Variants in TENM4 observed in about 807,000 individuals in gnomAD.
TENM4 encodes the protein teneurin transmembrane protein 4.
A neutral mutation model predicts 243.3 loss-of-function variants in TENM4; 82 were observed. That is an observed-to-expected ratio of 0.34 (90% confidence interval 0.28 to 0.40). The LOEUF is 0.40. Among genes scored for constraint, TENM4 ranks in the 10% least tolerant of loss-of-function variants. The pLI is 1.00. For synonymous variants in TENM4, 1,412 were observed against 1,456.3 expected (o/e 0.97, Z 0.69); for missense variants, 3,138 against 3,673.3 (o/e 0.85, Z 3.77).
chr11:79,376,709 C>T (rs1857899299), intron 1 of TENM4, among the ~76,000 whole-genome samples: 1 of 152,174 alleles, frequency 6.6e-6, no homozygotes. Flanking sequence ...GTATGTCCCT[C>T]CCCCAGGACA....
At chr11:78,728,908 A>G (rs1222503117) in intron 22 of TENM4, among the ~76,000 whole-genome samples, 2 of 152,186 alleles carry the variant, frequency 1.3e-5, no homozygotes, top group African/African-American at 2.4e-5. Context: ...CAGCAATAAC[A>G]AAAACAAAGA....
At chr11:78,838,212 T>C (rs1007459838) in intron 12 of TENM4, among the ~76,000 whole-genome samples, 1 of 152,206 alleles carries the variant, frequency 6.6e-6, no homozygotes, top group Non-Finnish European at 1.5e-5. Flanking sequence ...GTACTATACA[T>C]TTTTTAAAGC....
At chr11:78,766,917 T>C (rs950575532) in intron 18 of TENM4, among the ~76,000 whole-genome samples, 20 of 152,276 alleles carry the variant, frequency 1.3e-4, no homozygotes, top group African/African-American at 4.8e-4. Flanking sequence ...TTGGCCAGAC[T>C]GGTCTCAAAC....
At chr11:79,012,143 C>T (rs566430105) in intron 6 of TENM4, among the ~76,000 whole-genome samples, 25 of 152,226 alleles carry the variant, frequency 1.6e-4, no homozygotes, top group Non-Finnish European at 2.5e-4. Flanking sequence ...TCCTGGGGGA[C>T]GCAAAGTTGA....
chr11:79,410,157 C>T (rs188954700), intron 1 of TENM4, among the ~76,000 whole-genome samples: 13 of 152,290 alleles, frequency 8.5e-5, no homozygotes, highest in African/African-American at 3.1e-4. Context: ...GTTGGACAAG[C>T]TTGCTCTATT....
At chr11:79,055,513 AT>A (rs1389909193) in intron 6 of TENM4, among the ~76,000 whole-genome samples, 9 of 152,192 alleles carry the variant, frequency 5.9e-5, no homozygotes, top group African/African-American at 2.2e-4. Flanking sequence ...AAGTGCTGGG[AT>A]TATGGGCGTG....
chr11:79,140,642 C>T (rs1862269059), intron 4 of TENM4, among the ~76,000 whole-genome samples: 2 of 152,222 alleles, frequency 1.3e-5, no homozygotes, highest in African/African-American at 4.8e-5. Flanking sequence ...GTTTGACCAC[C>T]ACAGAAGAAG....
intron 28 of TENM4, among the ~76,000 whole-genome samples, chr11:78,699,942 C>T (rs987678535): frequency 6.6e-6 from 1 of 152,148 alleles, no homozygotes; most frequent in African/African-American, 2.4e-5. Context: ...AATTATTTAG[C>T]GTATTTCCAT....
In TENM4 at chr11:79,163,466, A is replaced by G. The variant is rs141450433; in HGVS notation, c.-162-14660T>C. On this transcript the variant is annotated intron_variant, in intron 3 of 33. Transcript: ENST00000278550. ...TCTTGGTTAGATGAATAAGTTTTTT[A>G]ACGGAGATTTTGGTGCACCCATCAC... is the stretch of plus-strand genomic sequence containing the variant. Among the ~76,000 whole-genome samples, 328 of 151,966 alleles carry G rather than the reference A, an allele frequency of 2.2e-3. 2 individuals are homozygous for G. Among genetic ancestry groups the G allele is most frequent in the African/African-American group, 7.3e-3 (302 of 41,438 alleles).
intron 3 of TENM4, among the ~76,000 whole-genome samples, chr11:79,204,896 C>T (rs1863818242): frequency 6.6e-6 from 1 of 152,164 alleles, no homozygotes; most frequent in Non-Finnish European, 1.5e-5. Context: ...ACGGGTTATA[C>T]ACAGTGGTAA....
intron 2 of TENM4, among the ~76,000 whole-genome samples, chr11:79,250,512 C>T (rs894709237): frequency 4.6e-5 from 7 of 152,232 alleles, no homozygotes; most frequent in African/African-American, 1.7e-4. Flanking sequence ...CATTCTCAAT[C>T]ACTGAAGGCC....
chr11:79,243,300 T>G (rs1250548359), intron 2 of TENM4, among the ~76,000 whole-genome samples: 1 of 152,150 alleles, frequency 6.6e-6, no homozygotes, highest in African/African-American at 2.4e-5. Flanking sequence ...GGCACCACGG[T>G]GTGCATGGGC....
At chr11:78,795,340 G>T (rs937338027) in intron 15 of TENM4, among the ~76,000 whole-genome samples, 1 of 152,174 alleles carries the variant, frequency 6.6e-6, no homozygotes, top group African/African-American at 2.4e-5. Context: ...TGTATTGCCA[G>T]ATTCCAGTGG....
intron 1 of TENM4, among the ~76,000 whole-genome samples, chr11:79,418,788 G>T (rs1436715746): frequency 1.3e-5 from 2 of 152,134 alleles, no homozygotes; most frequent in African/African-American, 4.8e-5. Context: ...ACTCCATTAC[G>T]TGGCTGTGTC....
Position 78,852,904 on chromosome 11 carries a change from C to T in TENM4, c.1681+1200G>A, listed in dbSNP as rs541302548. Among the ~76,000 whole-genome samples the T allele has an allele frequency of 3.4e-5, 5 of 147,286 alleles. No homozygotes were observed. In the South Asian group the frequency reaches 1.1e-3, roughly 32 times the overall value. On this transcript the variant is annotated intron_variant, in intron 12 of 33. Transcript: ENST00000278550. ...AGCTGGGACCGCAGGCATGCACCATCGCACCTGGATACTTTTAATATTTTT... is the reference window on the plus strand; with the variant it reads ...AGCTGGGACCGCAGGCATGCACCATTGCACCTGGATACTTTTAATATTTTT...
In TENM4 at chr11:78,750,737, T is replaced by G. The variant is rs543454047; in HGVS notation, c.2756+6068A>C. ...TCTGTGCCAATTCCTTTGGGTTCAA[T>G]GACAAACAAGGCATGGGACCCACAA... On this transcript the variant is annotated intron_variant, in intron 19 of 33. Transcript: ENST00000278550. Among the ~76,000 whole-genome samples, 5 of 152,326 alleles carry G rather than the reference T, an allele frequency of 3.3e-5. No individual in the cohort carries two copies. In the South Asian group the frequency reaches 1.0e-3, roughly 32 times the overall value.
chr11:79,114,094 C>A (rs1216717706), intron 4 of TENM4, among the ~76,000 whole-genome samples: 3 of 152,192 alleles, frequency 2.0e-5, no homozygotes, highest in African/African-American at 7.2e-5. Flanking sequence ...CTGCCTCTAT[C>A]TCAACGCCTT....
chr11:78,693,963 C>T (rs952059973), intron 28 of TENM4, among the ~76,000 whole-genome samples: 1 of 152,042 alleles, frequency 6.6e-6, no homozygotes, highest in Non-Finnish European at 1.5e-5. Context: ...TGCCGTGAGC[C>T]GAGATCGCAC....
Position 78,918,111 on chromosome 11 carries a change from C to T in TENM4, c.494-14588G>A, listed in dbSNP as rs542969726. On this transcript the variant is annotated intron_variant, in intron 6 of 33. Coordinates refer to ENST00000278550, the MANE Select transcript of TENM4 (RefSeq NM_001098816.3). ...CTGGCTTCGACTCCCGTGCTCTTAACGGCGACAGTATAATTTCCACCCCTC... is the reference window on the plus strand; with the variant it reads ...CTGGCTTCGACTCCCGTGCTCTTAATGGCGACAGTATAATTTCCACCCCTC... Among the ~76,000 whole-genome samples, 10 of 152,310 alleles carry T rather than the reference C, an allele frequency of 6.6e-5. No individual in the cohort carries two copies. In the South Asian group the frequency reaches 1.9e-3, roughly 28 times the overall value.
Sources: gnomAD v4.1 joint callset for allele counts (sites outside exome capture counted in the v4.1 genomes callset) on GRCh38, gnomAD v4.1.1 for gene constraint, MANE v1.5 for transcripts, NCBI Gene and HGNC (gene_info 2026-07-23, HGNC 2026-07-21) for gene names.